Variants in FAR1 observed in about 807,000 individuals in gnomAD.
The protein encoded by FAR1 is fatty acyl-CoA reductase 1, also known as male sterility domain-containing protein 2.
A neutral mutation model predicts 61.1 loss-of-function variants in FAR1; 22 were observed. The observed-to-expected ratio is 0.36, with a 90% CI of 0.26 to 0.51. FAR1 has a LOEUF of 0.51. Ranked by LOEUF, FAR1 falls within the 20% of genes least tolerant of loss-of-function variation. The pLI is 0.95. For missense variants in FAR1, 359 were observed against 626.9 expected (o/e 0.57, Z 4.56); for synonymous variants, 206 against 209.7 (o/e 0.98, Z 0.15).
At chr11:13,684,661 C>T (rs1848167278) in intron 1 of FAR1, among the ~76,000 whole-genome samples, 1 of 152,100 alleles carries the variant, frequency 6.6e-6, no homozygotes, top group African/African-American at 2.4e-5. Context: ...ATCTGAAAGG[C>T]TTGTTTCTAT....
chr11:13,705,072 T>A (rs900461419), intron 3 of FAR1, among the ~76,000 whole-genome samples: 11 of 152,172 alleles, frequency 7.2e-5, no homozygotes, highest in African/African-American at 2.4e-4. Flanking sequence ...GAGCTTTTTT[T>A]TCTTTTTAAA....
In FAR1 at chr11:13,732,006, C is replaced by G. The variant is rs1021895141; in HGVS notation, c.*3232C>G. The G allele has an allele frequency of 6.6e-6, 1 of 152,034 alleles. No homozygotes were observed. Among genetic ancestry groups the G allele is most frequent in the African/African-American group, 2.4e-5 (1 of 41,378 alleles). The allele number at this position is 152,034 out of a possible 1,614,324, so 9.4% of individuals were successfully genotyped here. ...GCTGACTCCCAGCCCTGACTTGAAACCATTAGCGCTAACTTGCTCTGTTTT... is the reference window on the plus strand; with the variant it reads ...GCTGACTCCCAGCCCTGACTTGAAAGCATTAGCGCTAACTTGCTCTGTTTT... On this transcript the variant is annotated 3_prime_UTR_variant, in exon 12 of 12. Transcript: ENST00000354817.
rs372399427 is a variant in FAR1, at chr11:13,694,116, T to G, written c.-7-643T>G. ...TTTTTATTTTTTCTTTCATTATGGT[T>G]GTTTTCTTAATATGTCTTTTCTGCT... On this transcript the variant is annotated intron_variant, in intron 1 of 11. Transcript: ENST00000354817. 2.0e-5 allele frequency among the ~76,000 whole-genome samples: 3 copies of G among 152,204 alleles called. No individual in the cohort carries two copies. In the East Asian group the frequency reaches 5.8e-4, roughly 29 times the overall value.
chr11:13,686,519 A>G (rs941877623), intron 1 of FAR1: 2 of 152,194 alleles, frequency 1.3e-5, no homozygotes, highest in Non-Finnish European at 2.9e-5. Flanking sequence ...TGCCGTTTAA[A>G]AAAAAGTGGT....
At chr11:13,685,160 G>A (rs910137961) in intron 1 of FAR1, among the ~76,000 whole-genome samples, 6 of 152,064 alleles carry the variant, frequency 3.9e-5, no homozygotes, top group Admixed American at 2.0e-4. Flanking sequence ...CTAGAAGATG[G>A]TCTTCTGAGT....
intron 1 of FAR1, among the ~76,000 whole-genome samples, chr11:13,683,664 A>C (rs1386711391): frequency 6.6e-6 from 1 of 152,056 alleles, no homozygotes. Flanking sequence ...ACAGGTGTGA[A>C]CAACTGTGCT....
At chr11:13,696,225 G>C (rs1024209143) in intron 2 of FAR1, among the ~76,000 whole-genome samples, 9 of 152,134 alleles carry the variant, frequency 5.9e-5, no homozygotes, top group Admixed American at 5.2e-4. Context: ...CCAGTGAGGG[G>C]TTATTTGTTC....
At chr11:13,671,456 T>C (rs1451560848) in intron 1 of FAR1, among the ~76,000 whole-genome samples, 1 of 152,112 alleles carries the variant, frequency 6.6e-6, no homozygotes, top group Non-Finnish European at 1.5e-5. Context: ...TGATAATGGA[T>C]TGGAGATAGG....
intron 9 of FAR1, chr11:13,720,350 CTTG>C (rs1432226582): frequency 3.3e-5 from 5 of 152,070 alleles, no homozygotes; most frequent in African/African-American, 9.7e-5. Flanking sequence ...TAGTGACAAA[CTTG>C]TTGTATCTTT....
At chr11:13,723,569 A>G (rs1054636537) in intron 10 of FAR1, among the ~76,000 whole-genome samples, 4 of 152,074 alleles carry the variant, frequency 2.6e-5, no homozygotes, top group African/African-American at 9.7e-5. Context: ...CCTAGATTGC[A>G]TTGGGCTTTC....
intron 4 of FAR1, among the ~76,000 whole-genome samples, chr11:13,709,781 GATA>G (rs1258846544): frequency 4.6e-5 from 7 of 151,930 alleles, no homozygotes; most frequent in Non-Finnish European, 7.4e-5. Context: ...ATTTTATCTT[GATA>G]ATCTCTGTTT....
chr11:13,708,044 A>G lies in FAR1; in HGVS notation c.510A>G (p.Pro170=). Residue 170 remains proline, a synonymous_variant, in exon 4 of 12, where the codon CCA becomes CCG. Coordinates refer to ENST00000354817, the MANE Select transcript of FAR1 (RefSeq NM_032228.6). ...RKHIDEVVYP[P]PVDPKKLIDS... ...ATATTGATGAAGTAGTCTATCCACC[A>G]CCTGTGGATCCCAAGAAGCTGATTG... The G allele has an allele frequency of 6.2e-7, 1 of 1,602,306 alleles. No individual in the cohort carries two copies. Among genetic ancestry groups the G allele is most frequent in the South Asian group, 1.1e-5 (1 of 88,580 alleles).
chr11:13,674,965 C>T (rs766399670), intron 1 of FAR1, among the ~76,000 whole-genome samples: 6 of 151,902 alleles, frequency 3.9e-5, no homozygotes, highest in Non-Finnish European at 7.4e-5. Flanking sequence ...CACACATCAC[C>T]AACTTTAAGA....
At chr11:13,689,305 G>A (rs1848222247) in intron 1 of FAR1, among the ~76,000 whole-genome samples, 1 of 152,168 alleles carries the variant, frequency 6.6e-6, no homozygotes, top group African/African-American at 2.4e-5. Flanking sequence ...TCTCCTTCAT[G>A]TTACCTTCTG....
At chr11:13,704,176 C>T (rs1364213902) in intron 3 of FAR1, among the ~76,000 whole-genome samples, 1 of 151,608 alleles carries the variant, frequency 6.6e-6, no homozygotes, top group African/African-American at 2.4e-5. Context: ...AAAGGAAGTG[C>T]AAGTAAGACA....
intron 1 of FAR1, among the ~76,000 whole-genome samples, chr11:13,679,342 T>TA (rs1189426832): frequency 6.6e-6 from 1 of 152,200 alleles, no homozygotes; most frequent in Non-Finnish European, 1.5e-5. Flanking sequence ...ATGTATGACT[T>TA]ACGGGAATTA....
At chr11:13,709,758 T>C (rs144323966) in intron 4 of FAR1, among the ~76,000 whole-genome samples, 14 of 152,264 alleles carry the variant, frequency 9.2e-5, no homozygotes, top group Admixed American at 5.9e-4. Flanking sequence ...AGTACTTCCA[T>C]ATACAGAAGA....
At chr11:13,690,173 G>A (rs1848233787) in intron 1 of FAR1, among the ~76,000 whole-genome samples, 1 of 152,026 alleles carries the variant, frequency 6.6e-6, no homozygotes, top group African/African-American at 2.4e-5. Flanking sequence ...CACCGCGCCT[G>A]GCCCAATCCT....
chr11:13,708,288 C>T (rs1848456134), intron 4 of FAR1, among the ~76,000 whole-genome samples: 2 of 151,554 alleles, frequency 1.3e-5, no homozygotes, highest in South Asian at 4.2e-4. Context: ...TGCTTGAATC[C>T]CAGAGGTTGC....
Sources: gnomAD v4.1 joint callset for allele counts (sites outside exome capture counted in the v4.1 genomes callset) on GRCh38, gnomAD v4.1.1 for gene constraint, MANE v1.5 for transcripts, NCBI Gene and HGNC (gene_info 2026-07-23, HGNC 2026-07-21) for gene names.